ENOX1: variants seen among roughly 807,000 people sequenced by gnomAD.
The protein encoded by ENOX1 is candidate growth-related and time keeping constitutive hydroquinone (NADH) oxidase.
Under a neutral mutation model 82.5 loss-of-function variants are expected in ENOX1, and 42 were observed. The ratio of observed to expected loss-of-function variants is 0.51; its 90% CI spans 0.40 to 0.66. ENOX1 has a LOEUF of 0.66. Ranked by LOEUF, ENOX1 falls within the 30% of genes least tolerant of loss-of-function variation. The pLI is 0.00. For missense variants in ENOX1, 608 were observed against 811.6 expected (o/e 0.75, Z 3.05); for synonymous variants, 271 against 282.2 (o/e 0.96, Z 0.40).
intron 1 of ENOX1, among the ~76,000 whole-genome samples, chr13:43,747,325 G>C (rs1248910899): frequency 6.6e-6 from 1 of 152,160 alleles, no homozygotes; most frequent in Non-Finnish European, 1.5e-5. Flanking sequence ...AGAAGGTATG[G>C]AAAAGGGTAG....
chr13:43,730,121 C>T (rs1433005345), intron 1 of ENOX1, among the ~76,000 whole-genome samples: 1 of 152,198 alleles, frequency 6.6e-6, no homozygotes, highest in African/African-American at 2.4e-5. Flanking sequence ...ATCTCTTCTA[C>T]TCTCACAATT....
In ENOX1 at chr13:43,361,363, C is replaced by T; in HGVS notation, c.298G>A (p.Val100Ile). 4 of 1,613,876 alleles carry T rather than the reference C, an allele frequency of 2.5e-6. No individual in the cohort carries two copies. The East Asian group carries it at 8.9e-5, about 36-fold the overall frequency. The stretch of plus-strand genomic sequence containing the variant: ...ACTTCTGTTGGTGGTGGGGGAGGTA[C>T]CAGTCCAAGGCCTGGTATCATTGGG... ...INPMIPGLGLVPPPPPTEVAV... is the reference protein window; with the variant it reads ...INPMIPGLGLIPPPPPTEVAV... The change falls in exon 6 of 17, where the codon GTA becomes ATA. Residue 100 changes from valine to isoleucine, a missense_variant. Coordinates refer to ENST00000690772, the MANE Select transcript of ENOX1 (RefSeq NM_001347969.2).
At chr13:43,537,808 T>C (rs2078530172) in intron 2 of ENOX1, among the ~76,000 whole-genome samples, 1 of 152,180 alleles carries the variant, frequency 6.6e-6, no homozygotes, top group Non-Finnish European at 1.5e-5. Context: ...TATTACTGAT[T>C]GGAACTAAGG....
chr13:43,412,235 C>G (rs1313497341), intron 4 of ENOX1, among the ~76,000 whole-genome samples, 182 bp from the exon 5 acceptor site: 2 of 152,132 alleles, frequency 1.3e-5, no homozygotes, highest in Non-Finnish European at 2.9e-5. Context: ...TTTCCAAATA[C>G]TTTCTGGGAG....
chr13:43,705,288 AAAAC>A (rs1313791155), intron 1 of ENOX1, among the ~76,000 whole-genome samples: 1 of 147,826 alleles, frequency 6.8e-6, no homozygotes, highest in Non-Finnish European at 1.5e-5. Context: ...TCCATCTCAA[AAAAC>A]AAACAAACAA....
chr13:43,376,172 C>G (rs1398515660), intron 5 of ENOX1, among the ~76,000 whole-genome samples: 1 of 152,128 alleles, frequency 6.6e-6, no homozygotes, highest in Non-Finnish European at 1.5e-5. Context: ...TACATTTGGT[C>G]AGTCAGTCAA....
chr13:43,624,961 T>C (rs2082901518), intron 2 of ENOX1, among the ~76,000 whole-genome samples: 1 of 152,108 alleles, frequency 6.6e-6, no homozygotes, highest in Non-Finnish European at 1.5e-5. Flanking sequence ...TACCAATATC[T>C]ACATATCAGC....
At chr13:43,530,477 T>C (rs1205299017) in intron 2 of ENOX1, among the ~76,000 whole-genome samples, 5 of 152,010 alleles carry the variant, frequency 3.3e-5, no homozygotes, top group Non-Finnish European at 7.4e-5. Flanking sequence ...GCTTAGAAAA[T>C]GGTTTAGCAG....
At chr13:43,537,699 A>G (rs988692531) in intron 2 of ENOX1, among the ~76,000 whole-genome samples, 1 of 152,256 alleles carries the variant, frequency 6.6e-6, no homozygotes, top group African/African-American at 2.4e-5. Flanking sequence ...TGTGAGACAC[A>G]CTATCCAAAA....
chr13:43,703,242 G>A (rs1342789410), intron 1 of ENOX1, among the ~76,000 whole-genome samples: 1 of 152,162 alleles, frequency 6.6e-6, no homozygotes, highest in East Asian at 1.9e-4. Context: ...AGAAAAATGG[G>A]TAGTGTTCTT....
chr13:43,714,567 A>G (rs1028703053), intron 1 of ENOX1, among the ~76,000 whole-genome samples: 3 of 152,126 alleles, frequency 2.0e-5, no homozygotes, highest in African/African-American at 4.8e-5. Flanking sequence ...TTGTAGGTCA[A>G]TAAGGACTTG....
chr13:43,416,387 G>T (rs1214771703), intron 3 of ENOX1, among the ~76,000 whole-genome samples: 1 of 145,638 alleles, frequency 6.9e-6, no homozygotes, highest in Non-Finnish European at 1.5e-5. Context: ...CATCCCAGAC[G>T]GGGCGGCCGG....
chr13:43,389,502 G>A (rs928067711), intron 5 of ENOX1, among the ~76,000 whole-genome samples: 16 of 152,184 alleles, frequency 1.1e-4, no homozygotes, highest in Non-Finnish European at 1.6e-4. Context: ...CTCCAGAAAC[G>A]CTGAGAAGGG....
Position 43,224,133 on chromosome 13 carries a change from T to A in ENOX1, c.1720A>T (p.Ile574Leu), listed in dbSNP as rs1297392944. The part of the protein sequence containing the change: ...SEKEALLIGI[I>L]STFLHVHPFG... ...GGATGGACGTGAAGAAACGTTGATA[T>A]GATACCTGAATTAAAAAGGCAAACA... is the stretch of plus-strand genomic sequence containing the variant. The change falls in exon 16 of 17, where the codon ATA (isoleucine) becomes TTA (leucine). Residue 574 changes from isoleucine to leucine, a missense_variant. Transcript: ENST00000690772. 6.2e-7 allele frequency: 1 copy of A among 1,613,208 alleles called. No individual in the cohort carries two copies. Among genetic ancestry groups the A allele is most frequent in the Non-Finnish European group, 8.5e-7 (1 of 1,179,312 alleles).
At chr13:43,297,290 T>C (rs930338846) in intron 12 of ENOX1, among the ~76,000 whole-genome samples, 1 of 152,226 alleles carries the variant, frequency 6.6e-6, no homozygotes, top group Non-Finnish European at 1.5e-5. Context: ...ATCACTAAGA[T>C]ACTTCTGTAG....
Position 43,359,249 on chromosome 13 carries a change from TG to T in ENOX1, c.589+601del, listed in dbSNP as rs752772187. Among the ~76,000 whole-genome samples the T allele has an allele frequency of 1.5e-3, 230 of 152,336 alleles. 3 individuals are homozygous for T. Among genetic ancestry groups the T allele is most frequent in the Non-Finnish European group, 1.3e-3 (90 of 68,036 alleles). On this transcript the variant is annotated intron_variant, in intron 7 of 16. Coordinates refer to ENST00000690772, the MANE Select transcript of ENOX1 (RefSeq NM_001347969.2). ...AAAGCCAGCCCCTAATTCTTGGGTTTGGCAAAGGCCTTGCGGACAGACTCCA... is the reference window on the plus strand; with the variant it reads ...AAAGCCAGCCCCTAATTCTTGGGTTTGCAAAGGCCTTGCGGACAGACTCCA...
chr13:43,478,169 T>C (rs2058369467), intron 3 of ENOX1, among the ~76,000 whole-genome samples: 1 of 149,206 alleles, frequency 6.7e-6, no homozygotes, highest in African/African-American at 2.5e-5. Context: ...ATATGAGGGG[T>C]AGAAATAAAT....
chr13:43,779,813 C>T (rs1160441752), intron 1 of ENOX1, among the ~76,000 whole-genome samples: 1 of 152,188 alleles, frequency 6.6e-6, no homozygotes, highest in African/African-American at 2.4e-5. Context: ...AATCTGTGCA[C>T]TTCCCTGCAA....
At chr13:43,729,828 T>C (rs1192197213) in intron 1 of ENOX1, among the ~76,000 whole-genome samples, 1 of 152,258 alleles carries the variant, frequency 6.6e-6, no homozygotes, top group East Asian at 1.9e-4. Flanking sequence ...GCTGGGTGTG[T>C]AAACGGCCTT....
Sources: allele counts gnomAD v4.1 joint callset (sites outside exome capture counted in the v4.1 genomes callset), GRCh38; gene constraint gnomAD v4.1.1; transcripts MANE v1.5; gene names NCBI Gene and HGNC (gene_info 2026-07-23, HGNC 2026-07-21).